Variants in USP47 observed in about 807,000 individuals in gnomAD.
USP47 encodes the protein ubiquitin specific peptidase 47, also known as ubiquitin carboxyl-terminal hydrolase 47.
In USP47, 35 loss-of-function variants were observed where a neutral mutation model predicts 165.1. The ratio of observed to expected loss-of-function variants is 0.21; its 90% confidence interval spans 0.16 to 0.28. USP47 has a LOEUF of 0.28. Ranked by LOEUF, USP47 falls within the 10% of genes least tolerant of loss-of-function variation. The pLI is 1.00. For synonymous variants in USP47, 531 were observed against 544.5 expected (o/e 0.98, Z 0.35); for missense variants, 1,277 against 1,607.4 (o/e 0.79, Z 3.52).
intron 14 of USP47, among the ~76,000 whole-genome samples, chr11:11,931,865 A>G (rs1185080171): frequency 6.6e-6 from 1 of 152,174 alleles, no homozygotes; most frequent in Non-Finnish European, 1.5e-5. Flanking sequence ...ATTATTAAGA[A>G]AAACTTTCGT....
chr11:11,933,935 G>A lies in USP47; in HGVS notation c.1869G>A (p.Lys623=). 6.3e-7 allele frequency: 1 copy of A among 1,595,618 alleles called. No homozygotes were observed. Among genetic ancestry groups the A allele is most frequent in the Non-Finnish European group, 8.6e-7 (1 of 1,166,418 alleles). The change falls in exon 16 of 28, where the codon AAG becomes AAA. Residue 623 remains lysine (K), a splice_region_variant and synonymous_variant. Coordinates refer to ENST00000527733, the MANE Select transcript of USP47 (RefSeq NM_001282659.2). The part of the protein sequence containing the change: ...TLKEAVEMAY[K]MMDLEEVIPL... ...AGGAAGCAGTAGAAATGGCTTATAA[G>A]GTATGTTTAATTGCATCATTGGCAT...
At chr11:11,935,173 T>A (rs1854964669) in intron 16 of USP47, among the ~76,000 whole-genome samples, 1 of 152,120 alleles carries the variant, frequency 6.6e-6, no homozygotes. Context: ...TTATCAGTAT[T>A]GAAATTTTAC....
rs748979261 is a variant in USP47 at position 11,897,728 on chromosome 11, A to C, written c.593+35A>C. On this transcript the variant is annotated intron_variant, in intron 5 of 27. Coordinates refer to ENST00000527733, the MANE Select transcript of USP47 (RefSeq NM_001282659.2). ...CAAAAAAATTGTATACATAAAATTG[A>C]TTTAAGAATGAAAATATCACTTTTA... 3 of 1,421,046 alleles carry C rather than the reference A, an allele frequency of 2.1e-6. No individual in the cohort carries two copies. In the South Asian group the frequency reaches 3.8e-5, roughly 18 times the overall value. 88.0% of individuals were successfully genotyped at this position (1,421,046 alleles called of 1,614,324 possible).
Position 11,942,343 on chromosome 11 carries a change from T to G in USP47, c.2322T>G (p.Val774=). The G allele has an allele frequency of 6.3e-7, 1 of 1,589,320 alleles. No homozygotes were observed. Among genetic ancestry groups the G allele is most frequent in the Non-Finnish European group, 8.5e-7 (1 of 1,170,836 alleles). The change falls in exon 20 of 28, where the codon GTT becomes GTG. Residue 774 remains valine, a synonymous_variant. Transcript: ENST00000527733. ...EGFFRSNKVF[V]ESSETLDYQM... is the part of the protein sequence containing the mutation. ...TCTGACTTACTATGTAGGTGTTTGTTGAAAGCTCCGAGACTTTGGATTACC... is the reference window on the plus strand; with the variant it reads ...TCTGACTTACTATGTAGGTGTTTGTGGAAAGCTCCGAGACTTTGGATTACC...
At position 11,961,713 on chromosome 11, in the gene USP47, T is replaced by G. The variant is rs1486402091; in HGVS notation, c.*5538T>G. Reference sequence around the variant, plus strand: ...AATTGGGAAAAAATTCCAGAAACTCTGGGAGCCCTCCCCTTACATTTCCTG... The same window carrying G: ...AATTGGGAAAAAATTCCAGAAACTCGGGGAGCCCTCCCCTTACATTTCCTG... On this transcript the variant is annotated 3_prime_UTR_variant, in exon 28 of 28. Transcript: ENST00000527733. 2.0e-5 allele frequency among the ~76,000 whole-genome samples: 3 copies of G among 152,340 alleles called. No individual in the cohort carries two copies. Among genetic ancestry groups the G allele is most frequent in the Non-Finnish European group, 4.4e-5 (3 of 68,026 alleles).
intron 1 of USP47, among the ~76,000 whole-genome samples, chr11:11,847,115 A>T (rs1848470624): frequency 6.6e-6 from 1 of 152,160 alleles, no homozygotes; most frequent in African/African-American, 2.4e-5. Context: ...AATGCGTTGA[A>T]AGATTAGAAG....
intron 8 of USP47, among the ~76,000 whole-genome samples, chr11:11,910,827 T>A (rs187182847): frequency 6.6e-6 from 1 of 152,160 alleles, no homozygotes; most frequent in East Asian, 1.9e-4. Flanking sequence ...TGGTCCAGAA[T>A]CTCATAACAC....
intron 1 of USP47, among the ~76,000 whole-genome samples, chr11:11,846,026 C>T (rs1848408192): frequency 6.6e-6 from 1 of 152,100 alleles, no homozygotes; most frequent in African/African-American, 2.4e-5. Context: ...TTCTTAGTTC[C>T]TCTCTTTTGG....
chr11:11,935,588 T>G (rs944442024), intron 16 of USP47, among the ~76,000 whole-genome samples: 1 of 151,946 alleles, frequency 6.6e-6, no homozygotes, highest in African/African-American at 2.4e-5. Context: ...ACGCTGAGGC[T>G]TACAAGTCCT....
chr11:11,885,893 G>C (rs1410700703), intron 3 of USP47, among the ~76,000 whole-genome samples: 1 of 152,182 alleles, frequency 6.6e-6, no homozygotes, highest in Non-Finnish European at 1.5e-5. Context: ...GGAGCAGGCT[G>C]CCATCTTTGC....
chr11:11,938,566 A>G (rs1386639719), intron 18 of USP47, among the ~76,000 whole-genome samples, 194 bp downstream of exon 18: 2 of 152,116 alleles, frequency 1.3e-5, no homozygotes, highest in South Asian at 2.1e-4. Context: ...GCAAGTACAT[A>G]TAACAACTTA....
At chr11:11,887,609 T>A (rs1851245613) in intron 3 of USP47, among the ~76,000 whole-genome samples, 1 of 152,070 alleles carries the variant, frequency 6.6e-6, no homozygotes, top group Non-Finnish European at 1.5e-5. Flanking sequence ...AGACTTACAC[T>A]CCCACACAAT....
intron 5 of USP47, among the ~76,000 whole-genome samples, chr11:11,901,711 C>T (rs1852238067): frequency 6.6e-6 from 1 of 152,072 alleles, no homozygotes; most frequent in Non-Finnish European, 1.5e-5. Flanking sequence ...GTAATCCCAG[C>T]ACTTTGGGAG....
intron 4 of USP47, among the ~76,000 whole-genome samples, chr11:11,894,485 G>C (rs951298616): frequency 6.6e-6 from 1 of 152,020 alleles, no homozygotes; most frequent in African/African-American, 2.4e-5. Flanking sequence ...AGGTTCCAAG[G>C]CATTACTTCC....
At chr11:11,865,957 A>T (rs1849655098) in intron 1 of USP47, among the ~76,000 whole-genome samples, 1 of 152,152 alleles carries the variant, frequency 6.6e-6, no homozygotes, top group Non-Finnish European at 1.5e-5. Context: ...ATTTTCTCCC[A>T]TTCTGAGTTG....
chr11:11,948,578 A>G lies in USP47; in HGVS notation c.3348+20A>G. The G allele has an allele frequency of 6.5e-7, 1 of 1,544,658 alleles. No homozygotes were observed. The highest frequency in any genetic ancestry group is 1.1e-5 in the South Asian group (1 of 89,284). ...CAAGAGGTAAGTAATACGTTTAAGA[A>G]TAATATAAGGTTACTTTTTACAGTT... On this transcript the variant is annotated intron_variant, in intron 22 of 27. Transcript: ENST00000527733.
intron 12 of USP47, 40 bp from the exon 13 acceptor site, chr11:11,930,003 GT>G: frequency 2.0e-6 from 3 of 1,499,764 alleles, no homozygotes; most frequent in Non-Finnish European, 2.8e-6. Context: ...ATGTGATAGT[GT>G]TATAGAATTT....
At chr11:11,912,685 C>T (rs1564876365) in intron 8 of USP47, among the ~76,000 whole-genome samples, 1 of 152,088 alleles carries the variant, frequency 6.6e-6, no homozygotes, top group South Asian at 2.1e-4. Flanking sequence ...TCCTGTGACA[C>T]TATTCTTACC....
intron 22 of USP47, 189 bp downstream of exon 22, chr11:11,948,747 C>T: frequency 2.0e-6 from 1 of 511,834 alleles, no homozygotes; most frequent in South Asian, 3.1e-5. Flanking sequence ...GCACAAGGAG[C>T]CATAGACAAT....
Sources: gnomAD v4.1 joint callset for allele counts (sites outside exome capture counted in the v4.1 genomes callset) on GRCh38, gnomAD v4.1.1 for gene constraint, MANE v1.5 for transcripts, NCBI Gene and HGNC (gene_info 2026-07-23, HGNC 2026-07-21) for gene names.